The following GALNTL5 variants were observed in gnomAD, a reference collection of about 807,000 sequenced individuals.
GALNTL5 encodes the protein polypeptide N-acetylgalactosaminyltransferase like 5.
Under a neutral mutation model 51.0 loss-of-function variants are expected in GALNTL5, and 44 were observed. That is an observed-to-expected ratio of 0.86 (90% CI 0.68 to 1.11). The LOEUF is 1.11. Among genes scored for constraint, GALNTL5 ranks in the 50% least tolerant of loss-of-function variants. The probability of loss-of-function intolerance (pLI) is 0.00; values close to 1 mark genes in which losing one functional copy is unlikely to be tolerated. For missense variants in GALNTL5, 528 were observed against 531.8 expected, an observed-to-expected ratio of 0.99 and a Z score of 0.07; for synonymous variants, 192 against 182.8, an observed-to-expected ratio of 1.05 and a Z score of -0.41.
In GALNTL5 at chr7:151,984,823, A is replaced by T. The variant is rs774676248; in HGVS notation, c.535+1671A>T. Among the ~76,000 whole-genome samples, 88 of 152,122 alleles carry T rather than the reference A, an allele frequency of 5.8e-4. 1 individual carries two copies. The highest frequency in any genetic ancestry group is 2.6e-3 in the Admixed American group (39 of 15,266). ...ATGGATTGTGGAATTCTAACTTCTC[A>T]CCCAGAAGTACAAGAATGCTGCCAT... On this transcript the variant is annotated intron_variant, in intron 4 of 8. Transcript: ENST00000392800.
intron 7 of GALNTL5, among the ~76,000 whole-genome samples, chr7:152,013,314 G>A (rs769505569): frequency 2.0e-4 from 30 of 151,440 alleles, no homozygotes; most frequent in Non-Finnish European, 4.0e-4. Flanking sequence ...CATGTAACAC[G>A]CCTGCACATG....
chr7:151,975,689 T>C (rs188889944), intron 3 of GALNTL5, among the ~76,000 whole-genome samples: 1 of 152,264 alleles, frequency 6.6e-6, no homozygotes, highest in African/African-American at 2.4e-5. Flanking sequence ...TGCTTTGATA[T>C]AGGTGTTTAT....
At chr7:151,973,260 G>A (rs2081168756) in intron 3 of GALNTL5, among the ~76,000 whole-genome samples, 1 of 151,192 alleles carries the variant, frequency 6.6e-6, no homozygotes, top group South Asian at 2.1e-4. Flanking sequence ...TTCAAGACCA[G>A]CCTGGCCAGG....
intron 8 of GALNTL5, among the ~76,000 whole-genome samples, chr7:152,016,120 G>A (rs751811922): frequency 2.6e-5 from 4 of 152,032 alleles, no homozygotes; most frequent in Admixed American, 2.0e-4. Flanking sequence ...AGTCTGACAG[G>A]CCTGGCTGGG....
chr7:152,008,103 G>A (rs1190434397), intron 7 of GALNTL5, among the ~76,000 whole-genome samples, 159 bp downstream of exon 7: 3 of 152,026 alleles, frequency 2.0e-5, no homozygotes, highest in Admixed American at 6.5e-5. Context: ...TGTAAAAATG[G>A]AAAACATTTA....
intron 3 of GALNTL5, among the ~76,000 whole-genome samples, chr7:151,972,580 G>T (rs11978351): frequency 0.39 from 59,038 of 152,024 alleles, 12,054 homozygotes; most frequent in Middle Eastern, 0.5. Context: ...CCAGGGCCCT[G>T]CTGTTCTGTG....
At chr7:152,005,904 A>T (rs1291843895) in intron 6 of GALNTL5, among the ~76,000 whole-genome samples, 1 of 152,182 alleles carries the variant, frequency 6.6e-6, no homozygotes, top group East Asian at 1.9e-4. Flanking sequence ...TATGGATTCA[A>T]TCATGAGTCT....
At chr7:151,982,096 C>T (rs540577686) in intron 3 of GALNTL5, among the ~76,000 whole-genome samples, 1 of 152,096 alleles carries the variant, frequency 6.6e-6, no homozygotes, top group East Asian at 1.9e-4. Flanking sequence ...ATATTTCCCT[C>T]ATATGCACAC....
At chr7:151,986,819 C>T (rs2081364467) in intron 4 of GALNTL5, among the ~76,000 whole-genome samples, 1 of 151,590 alleles carries the variant, frequency 6.6e-6, no homozygotes, top group African/African-American at 2.4e-5. Flanking sequence ...CCTCTGCCTC[C>T]CGGGTTCAAG....
Position 152,002,827 on chromosome 7 carries a change from G to A in GALNTL5, c.772G>A (p.Val258Ile). The A allele has an allele frequency of 1.2e-6, 2 of 1,614,156 alleles. No individual in the cohort carries two copies. Among genetic ancestry groups the A allele is most frequent in the Non-Finnish European group, 1.7e-6 (2 of 1,180,030 alleles). The change falls in exon 6 of 9, where the codon GTC becomes ATC. Residue 258 changes from valine to isoleucine, a missense_variant. By Grantham distance (29) the Val-to-Ile change is conservative. Coordinates refer to ENST00000392800, the MANE Select transcript of GALNTL5 (RefSeq NM_145292.4). ...PKMVVCPLIDVIDDRTLEYKP... is the reference protein window; with the variant it reads ...PKMVVCPLIDIIDDRTLEYKP... ...AATGGTGGTGTGCCCCCTGATAGAT[G>A]TCATTGATGATAGAACTCTGGAGTA...
intron 7 of GALNTL5, among the ~76,000 whole-genome samples, chr7:152,010,570 C>A (rs1327810458): frequency 1.1e-4 from 16 of 151,922 alleles, no homozygotes; most frequent in Admixed American, 1.0e-3. Context: ...GAGTTTGAGA[C>A]CAGCCTGGCT....
rs1423740033 is a variant in GALNTL5, at chr7:151,983,062, G to A, written c.445G>A (p.Ala149Thr). 1 of 1,614,136 alleles carries A rather than the reference G, an allele frequency of 6.2e-7. No individual in the cohort carries two copies. Reference protein sequence around the residue: ...VICFYNEECNALFQTMSSVTN... With the variant: ...VICFYNEECNTLFQTMSSVTN... ...TTGCTTCTATAATGAAGAATGTAAT[G>A]CCTTGTTTCAGACCATGTCCAGTGT... The change falls in exon 4 of 9, where the codon GCC (alanine) becomes ACC (threonine). Residue 149 changes from alanine (A) to threonine (T), a missense_variant. Physicochemically the swap from Ala to Thr is moderately conservative, Grantham distance 58. Coordinates refer to ENST00000392800, the MANE Select transcript of GALNTL5 (RefSeq NM_145292.4).
chr7:151,980,929 T>C (rs556996206), intron 3 of GALNTL5, among the ~76,000 whole-genome samples: 7 of 151,664 alleles, frequency 4.6e-5, no homozygotes, highest in African/African-American at 1.7e-4. Flanking sequence ...GTATTTTTAG[T>C]AGAGACGGGG....
Position 151,967,236 on chromosome 7 carries a change from C to A in GALNTL5, c.-11C>A, listed in dbSNP as rs748578285. ...ATTGAAAAATGGACCTTTGAAAATG[C>A]TAGATTTACAATGAGAAATGCCATA... On this transcript the variant is annotated 5_prime_UTR_variant, in exon 2 of 9. Coordinates refer to ENST00000392800, the MANE Select transcript of GALNTL5 (RefSeq NM_145292.4). 2 of 1,604,496 alleles carry A rather than the reference C, an allele frequency of 1.2e-6. No individual in the cohort carries two copies. The highest frequency in any genetic ancestry group is 1.7e-6 in the Non-Finnish European group (2 of 1,175,294).
chr7:152,001,851 T>C (rs1050952369), intron 5 of GALNTL5, among the ~76,000 whole-genome samples: 10 of 151,824 alleles, frequency 6.6e-5, no homozygotes, highest in Non-Finnish European at 1.2e-4. Flanking sequence ...AAACATGAGA[T>C]TTTTTTATAC....
chr7:152,017,956 T>C (rs1214231906), intron 8 of GALNTL5, among the ~76,000 whole-genome samples: 3 of 152,172 alleles, frequency 2.0e-5, no homozygotes, highest in Non-Finnish European at 2.9e-5. Context: ...GTGATTCTCC[T>C]GCCTCAGCCT....
chr7:151,962,436 C>CTTTTTTTTT lies in GALNTL5; in HGVS notation c.-39-4765_-39-4757dup, dbSNP rs61210832. On this transcript the variant is annotated intron_variant, in intron 1 of 8. Transcript: ENST00000392800. ...AAAAAAGTCTGTGTGATTTTTTTTT[C>CTTTTTTTTT]TTTTTTTTTTTTTTTGGTTAATGCA... Among the ~76,000 whole-genome samples, 342 of 116,162 alleles carry CTTTTTTTTT rather than the reference C, an allele frequency of 2.9e-3. 22 individuals are homozygous for CTTTTTTTTT. The highest frequency in any genetic ancestry group is 3.4e-3 in the African/African-American group (106 of 31,584). 76.2% of individuals were successfully genotyped at this position (116,162 alleles called of 152,430 possible).
chr7:152,012,215 C>A (rs1388319624), intron 7 of GALNTL5, among the ~76,000 whole-genome samples: 1 of 152,180 alleles, frequency 6.6e-6, no homozygotes, highest in East Asian at 1.9e-4. Flanking sequence ...GGGAAACACG[C>A]TGTTCTGCAA....
At chr7:151,973,314 A>C (rs1471022618) in intron 3 of GALNTL5, among the ~76,000 whole-genome samples, 1 of 151,912 alleles carries the variant, frequency 6.6e-6, no homozygotes, top group African/African-American at 2.4e-5. Context: ...AAAAAAAAAA[A>C]ATTAGCCAGG....
Sources: gnomAD v4.1 joint callset for allele counts (sites outside exome capture counted in the v4.1 genomes callset) on GRCh38, gnomAD v4.1.1 for gene constraint, MANE v1.5 for transcripts, NCBI Gene and HGNC (gene_info 2026-07-23, HGNC 2026-07-21) for gene names.